Variants in PSTK observed in about 807,000 individuals in gnomAD.
PSTK encodes the protein phosphoseryl-tRNA kinase, also known as L-seryl-tRNA(Sec) kinase.
PSTK carries 26 observed loss-of-function variants against 38.6 expected under a neutral mutation model. That is an observed-to-expected ratio of 0.67 (90% CI 0.49 to 0.94). The LOEUF is 0.94. Among genes scored for constraint, PSTK ranks in the 40% least tolerant of loss-of-function variants. The pLI, the probability that PSTK is intolerant of heterozygous loss-of-function variation, is 0.00. For synonymous variants in PSTK, 181 were observed against 161.7 expected, an observed-to-expected ratio of 1.12 and a Z score of -0.91; for missense variants, 445 against 436.3, an observed-to-expected ratio of 1.02 and a Z score of -0.18.
Position 122,990,205 on chromosome 10 carries a change from T to C in PSTK, c.909T>C (p.Leu303=). Reference sequence around the variant, plus strand: ...AAGTGCTTCCTCACAACTTGAAGCTTCTAGCAGAAGAACTTAACAAGCTCA... The same window carrying C: ...AAGTGCTTCCTCACAACTTGAAGCTCCTAGCAGAAGAACTTAACAAGCTCA... ...DEQVLPHNLK[L]LAEELNKLKA... Residue 303 remains leucine (L), a synonymous_variant, in exon 6 of 6, where the codon CTT becomes CTC. Transcript: ENST00000406217. The C allele has an allele frequency of 6.5e-7, 1 of 1,528,110 alleles. No homozygotes were observed. The highest frequency in any genetic ancestry group is 8.8e-7 in the Non-Finnish European group (1 of 1,141,174). 94.7% of individuals were successfully genotyped at this position (1,528,110 alleles called of 1,614,324 possible). A position where few individuals can be genotyped will look rare whatever the true frequency, so the allele number is the denominator to read the frequency against.
intron 1 of PSTK, 109 bp from the exon 2 acceptor site, chr10:122,982,624 G>A: frequency 4.8e-6 from 4 of 840,634 alleles, no homozygotes; most frequent in Non-Finnish European, 7.6e-6. Context: ...ACTACAGATG[G>A]TTCCGTATTG....
At chr10:122,989,276 G>A (rs1171979720) in intron 5 of PSTK, among the ~76,000 whole-genome samples, 2 of 152,068 alleles carry the variant, frequency 1.3e-5, no homozygotes, top group Non-Finnish European at 2.9e-5. Flanking sequence ...TTTTGAGATG[G>A]AGTCTTGCTC....
chr10:122,987,517 G>C lies in PSTK; in HGVS notation c.877+555G>C, dbSNP rs368972767. ...AGCACGGGGTGAGGTAAGAAGGGGG[G>C]AAAGGTAGTCAGGGGCCAGGTGTAA... On this transcript the variant is annotated intron_variant, in intron 5 of 5. Transcript: ENST00000406217. 5 of 1,611,762 alleles carry C rather than the reference G, an allele frequency of 3.1e-6. No individual in the cohort carries two copies. The African/African-American group carries it at 6.7e-5, about 22-fold the overall frequency.
Position 122,987,219 on chromosome 10 carries a change from A to T in PSTK, c.877+257A>T, listed in dbSNP as rs556414713. The T allele has an allele frequency of 7.9e-6, 11 of 1,393,046 alleles. No homozygotes were observed. In the African/African-American group the frequency reaches 1.6e-4, roughly 20 times the overall value. The allele number at this position is 1,393,046 out of a possible 1,614,324, so 86.3% of individuals were successfully genotyped here. A position where few individuals can be genotyped will look rare whatever the true frequency, so the allele number is the denominator to read the frequency against. On this transcript the variant is annotated intron_variant, in intron 5 of 5. Transcript: ENST00000406217. ...ATGCTGGGGAATCGGCAGGGAGCAG[A>T]ACATTCTAATGAGGAGACAGACAAA...
intron 3 of PSTK, chr10:122,984,601 C>G (rs1014711713): frequency 2.0e-5 from 3 of 152,266 alleles, no homozygotes; most frequent in African/African-American, 7.2e-5. Context: ...ACCTGTGATC[C>G]CAGCACTTGG....
chr10:122,980,617 G>A lies in PSTK; in HGVS notation c.138G>A (p.Gln46=). Residue 46 remains glutamine, a synonymous_variant, in exon 1 of 6, where the codon CAG becomes CAA. Coordinates refer to ENST00000406217, the MANE Select transcript of PSTK (RefSeq NM_001363531.2). This position sits in a 1 kb window ranked among gnomAD's most constrained non-coding sequence, Gnocchi z 4.3. ...TCGCCCACCGGCTGCAGCAGGAGCA[G>A]GGTTGGGCCATCGGTGTTGTCGCGT... ...RALAHRLQQE[Q]GWAIGVVAYD... 1.9e-6 allele frequency: 3 copies of A among 1,612,242 alleles called. No homozygotes were observed. The highest frequency in any genetic ancestry group is 1.7e-6 in the Non-Finnish European group (2 of 1,179,600).
chr10:122,990,376 T>C lies in PSTK; in HGVS notation c.*3T>C. 1 of 1,417,196 alleles carries C rather than the reference T, an allele frequency of 7.1e-7. No homozygotes were observed. Among genetic ancestry groups the C allele is most frequent in the South Asian group, 1.4e-5 (1 of 70,540 alleles). 87.8% of individuals were successfully genotyped at this position (1,417,196 alleles called of 1,614,324 possible). On this transcript the variant is annotated 3_prime_UTR_variant, in exon 6 of 6. Transcript: ENST00000406217. ...AGTATTTTTCAAAGCAGCATTAAAATTTCTGAACTGCCAATCAAATGTCTC... is the reference window on the plus strand; with the variant it reads ...AGTATTTTTCAAAGCAGCATTAAAACTTCTGAACTGCCAATCAAATGTCTC...
At chr10:122,990,151 T>A (rs1318345431) in intron 5 of PSTK, 23 bp from the exon 6 acceptor site, 1 of 1,482,136 alleles carries the variant, frequency 6.7e-7, no homozygotes, top group African/African-American at 1.4e-5. Context: ...CACCAGTAAT[T>A]TGAGAATATC....
chr10:122,986,539 C>T (rs979689477), intron 4 of PSTK, 164 bp downstream of exon 4: 5 of 630,276 alleles, frequency 7.9e-6, no homozygotes, highest in Non-Finnish European at 1.4e-5. Context: ...TGGGCAAAGC[C>T]GATTGTTAAA....
At chr10:122,987,326 T>C in intron 5 of PSTK, 1 of 1,610,892 alleles carries the variant, frequency 6.2e-7, no homozygotes, top group East Asian at 2.2e-5. Context: ...GGATTTATTT[T>C]TAAAAAGGTA....
Position 122,986,865 on chromosome 10 carries a change from A to C in PSTK, c.784-4A>C. 1 of 1,555,362 alleles carries C rather than the reference A, an allele frequency of 6.4e-7. No individual in the cohort carries two copies. ...TTCTAATAACAATGTCTGTATTAAC[A>C]TAGGACACAGACAGAATTATTTGTT... On this transcript the variant is annotated splice_region_variant and splice_polypyrimidine_tract_variant and intron_variant, in intron 4 of 5. Coordinates refer to ENST00000406217, the MANE Select transcript of PSTK (RefSeq NM_001363531.2).
Position 122,980,695 on chromosome 10 carries a change from G to T in PSTK, c.216G>T (p.Ala72=). The T allele has an allele frequency of 6.5e-7, 1 of 1,542,388 alleles. No homozygotes were observed. The highest frequency in any genetic ancestry group is 1.2e-5 in the South Asian group (1 of 85,394). ...AFLAGARARP[A]PSQWKLLRQE... Reference sequence around the variant, plus strand: ...TCGCCGGGGCAAGAGCGCGACCGGCGGTCAGCACGGAGGGGCGGGGCCTGG... The same window carrying T: ...TCGCCGGGGCAAGAGCGCGACCGGCTGTCAGCACGGAGGGGCGGGGCCTGG... The change falls in exon 1 of 6, where the codon GCG becomes GCT. Residue 72 remains alanine, a splice_region_variant and synonymous_variant. Coordinates refer to ENST00000406217, the MANE Select transcript of PSTK (RefSeq NM_001363531.2). The surrounding 1 kb of genome is among the most constrained non-coding windows in gnomAD (Gnocchi z 4.3).
chr10:122,980,673 CCGGGGCAAGAGCGCGACCGGCG>C lies in PSTK; in HGVS notation c.195_216del (p.Gly66HisfsTer12), dbSNP rs1848944278. On this transcript the variant is annotated frameshift_variant and splice_region_variant, in exon 1 of 6. Transcript: ENST00000406217. LOFTEE classifies it high-confidence loss of function. The surrounding 1 kb of genome is among the most constrained non-coding windows in gnomAD (Gnocchi z 4.3). Reference sequence around the variant, plus strand: ...GACGTCATGCCCGACGCGTTTCTCGCCGGGGCAAGAGCGCGACCGGCGGTCAGCACGGAGGGGCGGGGCCTGG... The same window carrying C: ...GACGTCATGCCCGACGCGTTTCTCGCGTCAGCACGGAGGGGCGGGGCCTGG... The C allele has an allele frequency of 2.6e-6, 4 of 1,510,040 alleles. No individual in the cohort carries two copies. In the African/African-American group the frequency reaches 5.7e-5, roughly 22 times the overall value. The allele number at this position is 1,510,040 out of a possible 1,614,324, so 93.5% of individuals were successfully genotyped here.
intron 5 of PSTK, among the ~76,000 whole-genome samples, chr10:122,988,947 T>C (rs1448424012): frequency 1.3e-5 from 2 of 152,030 alleles, no homozygotes; most frequent in Non-Finnish European, 2.9e-5. Flanking sequence ...AACCCACATG[T>C]CCGTCAGCTG....
intron 5 of PSTK, among the ~76,000 whole-genome samples, chr10:122,989,217 T>C (rs1226729899): frequency 1.3e-5 from 2 of 149,452 alleles, no homozygotes; most frequent in African/African-American, 2.5e-5. Flanking sequence ...GAAGGGAAGG[T>C]GGTAAGGAGG....
rs566701860 is a variant in PSTK, at chr10:122,983,093, A to G, written c.508+69A>G. ...ACGTATCAAAAACACTATTGTCTTC[A>G]ATGAGAATTTAACTTGATTAGGAGG... On this transcript the variant is annotated intron_variant, in intron 2 of 5. Coordinates refer to ENST00000406217, the MANE Select transcript of PSTK (RefSeq NM_001363531.2). 25 of 1,409,616 alleles carry G rather than the reference A, an allele frequency of 1.8e-5. No individual in the cohort carries two copies. The Middle Eastern group carries it at 1.5e-3, about 86-fold the overall frequency. 87.3% of individuals were successfully genotyped at this position (1,409,616 alleles called of 1,614,324 possible).
At chr10:122,983,494 C>G in intron 3 of PSTK, 24 bp downstream of exon 3, 2 of 1,598,688 alleles carry the variant, frequency 1.3e-6, no homozygotes, top group Non-Finnish European at 8.6e-7. Context: ...TCATCCCTCC[C>G]TGGATGCTCC....
chr10:122,986,993 T>TA (rs776492041), intron 5 of PSTK, 31 bp downstream of exon 5: 1 of 1,412,564 alleles, frequency 7.1e-7, no homozygotes, highest in East Asian at 2.3e-5. Context: ...GTTGAGTTGG[T>TA]ATGATTGTGA....
chr10:122,985,835 TTTAG>T, intron 3 of PSTK: 1 of 152,312 alleles, frequency 6.6e-6, no homozygotes, highest in South Asian at 2.1e-4. Context: ...TTCTAAATCA[TTTAG>T]TTTTTTTCCT....
Sources: gnomAD v4.1 joint callset for allele counts (sites outside exome capture counted in the v4.1 genomes callset) on GRCh38, gnomAD v4.1.1 for gene constraint, Gnocchi (gnomAD v3.1) non-coding constraint, MANE v1.5 for transcripts, NCBI Gene and HGNC (gene_info 2026-07-23, HGNC 2026-07-21) for gene names.